The following SLC24A2 variants were observed in gnomAD, a reference collection of about 807,000 sequenced individuals.
The protein encoded by SLC24A2 is solute carrier family 24 member 2, also known as sodium/potassium/calcium exchanger 2.
A neutral mutation model predicts 62.0 loss-of-function variants in SLC24A2; 36 were observed. The observed-to-expected ratio is 0.58, with a 90% CI of 0.44 to 0.77. SLC24A2 has a LOEUF of 0.77. Ranked by LOEUF, SLC24A2 falls within the 30% of genes least tolerant of loss-of-function variation. The pLI is 0.00. For synonymous variants in SLC24A2, 358 were observed against 294.0 expected, an observed-to-expected ratio of 1.22 and a Z score of -2.23; for missense variants, 846 against 817.9, an observed-to-expected ratio of 1.03 and a Z score of -0.42.
chr9:19,547,966 C>T (rs1019688083), intron 8 of SLC24A2, among the ~76,000 whole-genome samples: 2 of 151,696 alleles, frequency 1.3e-5, no homozygotes, highest in African/African-American at 2.4e-5. Context: ...TTGCATAGTG[C>T]AGATGCTGTA....
the SLC24A2 span, among the ~76,000 whole-genome samples, chr9:20,023,565 C>G: frequency 6.6e-6 from 1 of 152,096 alleles, no homozygotes. Context: ...GAAAGCCCCC[C>G]CACCTATAAC....
In SLC24A2 at chr9:19,514,516, C is replaced by G. The variant is rs1832853014; in HGVS notation, c.*1637G>C. 1 of 152,082 alleles carries G rather than the reference C, an allele frequency of 6.6e-6. No individual in the cohort carries two copies. Among genetic ancestry groups the G allele is most frequent in the Non-Finnish European group, 1.5e-5 (1 of 68,006 alleles). The allele number at this position is 152,082 out of a possible 1,614,324, so 9.4% of individuals were successfully genotyped here. A position where few individuals can be genotyped will look rare whatever the true frequency, so the allele number is the denominator to read the frequency against. Reference sequence around the variant, plus strand: ...CATTGATTCAGTTTGCCTATTTTTTCCCCCTTGCTGGCTTTATTTTCGACT... The same window carrying G: ...CATTGATTCAGTTTGCCTATTTTTTGCCCCTTGCTGGCTTTATTTTCGACT... On this transcript the variant is annotated 3_prime_UTR_variant, in exon 11 of 11. Transcript: ENST00000341998.
chr9:19,643,856 G>T (rs1323161348), intron 2 of SLC24A2, among the ~76,000 whole-genome samples: 1 of 152,196 alleles, frequency 6.6e-6, no homozygotes, highest in Non-Finnish European at 1.5e-5. Context: ...CATGTGATGT[G>T]TTTAATCCAC....
At chr9:20,176,816 A>G in the SLC24A2 span, among the ~76,000 whole-genome samples, 2 of 152,270 alleles carry the variant, frequency 1.3e-5, no homozygotes, top group East Asian at 3.9e-4. Flanking sequence ...AAGTTGAAAA[A>G]TCTGCAAATA....
At chr9:20,274,333 G>A in the SLC24A2 span, among the ~76,000 whole-genome samples, 1 of 152,112 alleles carries the variant, frequency 6.6e-6, no homozygotes, top group Non-Finnish European at 1.5e-5. Flanking sequence ...AAGAGGTGAG[G>A]AGCCAAGATT....
At chr9:19,839,344 T>C in the SLC24A2 span, among the ~76,000 whole-genome samples, 1 of 152,222 alleles carries the variant, frequency 6.6e-6, no homozygotes, top group Non-Finnish European at 1.5e-5. Context: ...CATTTCCTTG[T>C]TGCTATTTCT....
At chr9:20,036,479 ATC>A in the SLC24A2 span, among the ~76,000 whole-genome samples, 1 of 152,166 alleles carries the variant, frequency 6.6e-6, no homozygotes, top group Non-Finnish European at 1.5e-5. Context: ...TCTGATTATT[ATC>A]TTCCCATTCC....
At chr9:19,651,492 C>T (rs556175569) in intron 2 of SLC24A2, among the ~76,000 whole-genome samples, 1 of 152,296 alleles carries the variant, frequency 6.6e-6, no homozygotes, top group East Asian at 1.9e-4. Flanking sequence ...AGTGAGGCCT[C>T]CTGGGAAAAA....
chr9:19,974,505 T>C, the SLC24A2 span, among the ~76,000 whole-genome samples: 1 of 152,214 alleles, frequency 6.6e-6, no homozygotes, highest in Non-Finnish European at 1.5e-5. Flanking sequence ...ATTTCAATAT[T>C]CTTTCCTGAG....
chr9:20,191,174 T>C, the SLC24A2 span, among the ~76,000 whole-genome samples: 6 of 152,130 alleles, frequency 3.9e-5, no homozygotes, highest in Middle Eastern at 3.4e-3. Flanking sequence ...TTTTTTTTTT[T>C]TGCAGGACAG....
At chr9:19,674,065 C>T (rs1274182450) in intron 2 of SLC24A2, among the ~76,000 whole-genome samples, 1 of 152,074 alleles carries the variant, frequency 6.6e-6, no homozygotes, top group African/African-American at 2.4e-5. Context: ...ATAGTGCTGG[C>T]TTGGTAGTGG....
the SLC24A2 span, among the ~76,000 whole-genome samples, chr9:20,091,573 T>A: frequency 6.6e-6 from 1 of 151,342 alleles, no homozygotes; most frequent in Non-Finnish European, 1.5e-5. Context: ...AAAAAAAAAA[T>A]CTTCAACCAA....
intron 5 of SLC24A2, among the ~76,000 whole-genome samples, chr9:19,596,240 C>G (rs536636312): frequency 9.2e-5 from 14 of 152,276 alleles, no homozygotes; most frequent in Middle Eastern, 3.4e-3. Flanking sequence ...ATATTAGAAG[C>G]TGAAAGCAAG....
the SLC24A2 span, among the ~76,000 whole-genome samples, chr9:20,088,765 C>A: frequency 6.6e-6 from 1 of 151,694 alleles, no homozygotes; most frequent in Non-Finnish European, 1.5e-5. Context: ...TGGGCAGGAC[C>A]TCTGCATCGG....
chr9:19,575,969 AATAT>A (rs1835997833), intron 6 of SLC24A2, among the ~76,000 whole-genome samples: 2 of 149,586 alleles, frequency 1.3e-5, no homozygotes, highest in Non-Finnish European at 1.5e-5. Context: ...GAAGCAGAAA[AATAT>A]ATATATAACT....
At chr9:20,099,637 C>T in the SLC24A2 span, among the ~76,000 whole-genome samples, 137 of 152,202 alleles carry the variant, frequency 9.0e-4, no homozygotes, top group African/African-American at 2.8e-3. Context: ...CCTTTTCAGG[C>T]TCCTTCCAGG....
intron 2 of SLC24A2, among the ~76,000 whole-genome samples, chr9:19,700,377 T>TA (rs1245962735): frequency 6.6e-6 from 1 of 152,120 alleles, no homozygotes; most frequent in Non-Finnish European, 1.5e-5. Flanking sequence ...AACAAGGATT[T>TA]AAAAAAATGC....
rs1833131936 is a variant in SLC24A2, at chr9:19,520,336, A to C, written c.1736+558T>G. On this transcript the variant is annotated intron_variant, in intron 10 of 10. Transcript: ENST00000341998. ...CTGATTCACTTTAGTGATTATTCAT[A>C]CTGAGAGCTCATGTTTGCTTCATTA... is the stretch of plus-strand genomic sequence containing the variant. Among the ~76,000 whole-genome samples, 3 of 152,326 alleles carry C rather than the reference A, an allele frequency of 2.0e-5. No homozygotes were observed. The South Asian group carries it at 6.2e-4, about 32-fold the overall frequency.
the SLC24A2 span, among the ~76,000 whole-genome samples, chr9:20,162,499 A>G: frequency 6.6e-6 from 1 of 151,990 alleles, no homozygotes; most frequent in Non-Finnish European, 1.5e-5. Flanking sequence ...TAGCTTACCA[A>G]CCAAAAAGAG....
Sources: allele counts gnomAD v4.1 joint callset (sites outside exome capture counted in the v4.1 genomes callset), GRCh38; gene constraint gnomAD v4.1.1; transcripts MANE v1.5; gene names NCBI Gene and HGNC (gene_info 2026-07-23, HGNC 2026-07-21).